Variants in PLEKHH3 observed in about 807,000 individuals in gnomAD.
The protein encoded by PLEKHH3 is pleckstrin homology domain-containing family H member 3.
In PLEKHH3, 57 loss-of-function variants were observed where a neutral mutation model predicts 77.8. That is an observed-to-expected ratio of 0.73 (90% CI 0.59 to 0.91). The LOEUF (loss-of-function observed/expected upper bound fraction) is 0.91, where lower values mean the gene tolerates loss of function less well. Ranked by LOEUF, PLEKHH3 falls within the 40% of genes least tolerant of loss-of-function variation. PLEKHH3 has a pLI of 0.00. For synonymous variants in PLEKHH3, 467 were observed against 504.8 expected (o/e 0.93, Z 1.00); for missense variants, 1,082 against 1,091.2 (o/e 0.99, Z 0.12).
intron 12 of PLEKHH3, 150 bp from the exon 13 acceptor site, chr17:42,668,453 C>T: frequency 1.7e-6 from 1 of 595,894 alleles, no homozygotes; most frequent in Non-Finnish European, 2.6e-6. Flanking sequence ...ACCACTCTCT[C>T]CTTCATTTCT....
At chr17:42,669,859 C>G in intron 11 of PLEKHH3, 59 bp downstream of exon 11, 1 of 1,596,268 alleles carries the variant, frequency 6.3e-7, no homozygotes, top group Non-Finnish European at 8.5e-7. Flanking sequence ...ACCTGTGGCT[C>G]TGGGGCAAAG....
chr17:42,670,720 C>G lies in PLEKHH3; in HGVS notation c.1422-15G>C. The G allele has an allele frequency of 6.2e-7, 1 of 1,606,372 alleles. No homozygotes were observed. The highest frequency in any genetic ancestry group is 8.5e-7 in the Non-Finnish European group (1 of 1,175,432). On this transcript the variant is annotated splice_polypyrimidine_tract_variant and intron_variant, in intron 9 of 12. Transcript: ENST00000591022. Reference sequence around the variant, plus strand: ...CCGCGGCCAAGCTGCAGAAGAGGAGCGGACGAAGCGCTAGGGAGAAGCCGG... The same window carrying G: ...CCGCGGCCAAGCTGCAGAAGAGGAGGGGACGAAGCGCTAGGGAGAAGCCGG...
chr17:42,669,795 G>C (rs1228955373), intron 11 of PLEKHH3, 123 bp downstream of exon 11: 5 of 1,535,550 alleles, frequency 3.3e-6, no homozygotes, highest in Non-Finnish European at 4.4e-6. Flanking sequence ...TGACTCCTGG[G>C]GTTTGAGATG....
In PLEKHH3 at chr17:42,676,770, C is replaced by CGGAGGGG; in HGVS notation, c.-214_-208dup. On this transcript the variant is annotated 5_prime_UTR_variant, in exon 1 of 13. Transcript: ENST00000591022. The surrounding 1 kb of genome is among the most constrained non-coding windows in gnomAD (Gnocchi z 6.6). ...GAGGGGGGCTCAGTGTCTGGGCCCC[C>CGGAGGGG]GGAGGGGGGAGGGGGAAAAGCGTCC... is the stretch of plus-strand genomic sequence containing the variant. 1.7e-6 allele frequency: 1 copy of CGGAGGGG among 599,834 alleles called. No homozygotes were observed. Among genetic ancestry groups the CGGAGGGG allele is most frequent in the South Asian group, 2.0e-5 (1 of 49,628 alleles). 37.2% of individuals were successfully genotyped at this position (599,834 alleles called of 1,614,324 possible).
rs1360359582 is a variant in PLEKHH3, at chr17:42,667,999, A to AT, written c.*127dup. The AT allele has an allele frequency of 5.8e-6, 4 of 686,142 alleles. No homozygotes were observed. The allele number at this position is 686,142 out of a possible 1,614,324, so 42.5% of individuals were successfully genotyped here. ...ACAAACTAGAAAATTACCCACACCC[A>AT]TTGTAGCCCTTGGGTGTGGGATGTG... On this transcript the variant is annotated 3_prime_UTR_variant, in exon 13 of 13. Coordinates refer to ENST00000591022, the MANE Select transcript of PLEKHH3 (RefSeq NM_024927.5).
In PLEKHH3 at chr17:42,669,956, A is replaced by G. The variant is rs1450265635; in HGVS notation, c.1975T>C (p.Phe659Leu). 1.9e-6 allele frequency: 3 copies of G among 1,612,814 alleles called. No homozygotes were observed. The highest frequency in any genetic ancestry group is 2.5e-6 in the Non-Finnish European group (3 of 1,179,740). ...AGAACGTCATACCGAGCAGCGCCGAACCCCGGACACTGCGCCGCCAGGGCC... is the reference window on the plus strand; with the variant it reads ...AGAACGTCATACCGAGCAGCGCCGAGCCCCGGACACTGCGCCGCCAGGGCC... ...YLALAAQCPG[F>L]GAARYDVLEL... is the part of the protein sequence containing the mutation. Residue 659 changes from phenylalanine (F) to leucine (L), a missense_variant, in exon 11 of 13, where the codon TTC (phenylalanine) becomes CTC (leucine). Coordinates refer to ENST00000591022, the MANE Select transcript of PLEKHH3 (RefSeq NM_024927.5).
In PLEKHH3 at chr17:42,668,012, G is replaced by T; in HGVS notation, c.*115C>A. On this transcript the variant is annotated 3_prime_UTR_variant, in exon 13 of 13. Transcript: ENST00000591022. Reference sequence around the variant, plus strand: ...TTACCCACACCCATTGTAGCCCTTGGGTGTGGGATGTGCCCTGTCCCTGCA... The same window carrying T: ...TTACCCACACCCATTGTAGCCCTTGTGTGTGGGATGTGCCCTGTCCCTGCA... The T allele has an allele frequency of 1.2e-6, 1 of 842,854 alleles. No homozygotes were observed. The highest frequency in any genetic ancestry group is 1.6e-6 in the Non-Finnish European group (1 of 630,780). 52.2% of individuals were successfully genotyped at this position (842,854 alleles called of 1,614,324 possible).
At position 42,671,030 on chromosome 17, in the gene PLEKHH3, C is replaced by G. The variant is rs746359041; in HGVS notation, c.1385G>C (p.Gly462Ala). The G allele has an allele frequency of 6.2e-7, 1 of 1,610,982 alleles. No individual in the cohort carries two copies. The highest frequency in any genetic ancestry group is 1.1e-5 in the South Asian group (1 of 90,892). Residue 462 changes from glycine to alanine, a missense_variant, in exon 9 of 13, where the codon GGG becomes GCG. Coordinates refer to ENST00000591022, the MANE Select transcript of PLEKHH3 (RefSeq NM_024927.5). The surrounding 1 kb of genome is among the most constrained non-coding windows in gnomAD (Gnocchi z 4.7). Reference protein sequence around the residue: ...RGAQERALAGGTLVADVLTRF... With the variant: ...RGAQERALAGATLVADVLTRF... ...GGTGAGCACGTCGGCCACGAGGGTCCCCCCAGCCAGGGCTCGCTCCTGGGC... is the reference window on the plus strand; with the variant it reads ...GGTGAGCACGTCGGCCACGAGGGTCGCCCCAGCCAGGGCTCGCTCCTGGGC...
chr17:42,672,474 A>T, intron 6 of PLEKHH3, 82 bp from the exon 7 acceptor site: 11 of 1,180,658 alleles, frequency 9.3e-6, no homozygotes, highest in East Asian at 2.8e-5. Context: ...AACCAGGGGA[A>T]GGTCAGAGGG....
rs750263018 is a variant in PLEKHH3 at position 42,670,997 on chromosome 17, T to C, written c.1418A>G (p.Glu473Gly). 3 of 1,609,396 alleles carry C rather than the reference T, an allele frequency of 1.9e-6. No individual in the cohort carries two copies. The South Asian group carries it at 3.3e-5, about 18-fold the overall frequency. Reference protein sequence around the residue: ...TLVADVLTRFENLAAEEAGLE... With the variant: ...TLVADVLTRFGNLAAEEAGLE... Reference sequence around the variant, plus strand: ...AGGGCTGGGGCTGGACATTTACTTCTCAAACCTGGTGAGCACGTCGGCCAC... The same window carrying C: ...AGGGCTGGGGCTGGACATTTACTTCCCAAACCTGGTGAGCACGTCGGCCAC... Residue 473 changes from glutamate (E) to glycine (G), a missense_variant, in exon 9 of 13, where the codon GAG becomes GGG. By Grantham distance (98) the Glu-to-Gly change is moderately conservative. This residue lies in a region of PLEKHH3 where 733 missense variants were observed against 750.0 expected (regional missense o/e 0.98). Coordinates refer to ENST00000591022, the MANE Select transcript of PLEKHH3 (RefSeq NM_024927.5).
intron 6 of PLEKHH3, among the ~76,000 whole-genome samples, chr17:42,672,721 C>G (rs1445762283): frequency 6.6e-6 from 1 of 152,080 alleles, no homozygotes; most frequent in African/African-American, 2.4e-5. Context: ...AGAAAACAGG[C>G]TGGACTAGGA....
chr17:42,670,660 C>T lies in PLEKHH3; in HGVS notation c.1467G>A (p.Gly489=), dbSNP rs2277618. Residue 489 remains glycine (G), a synonymous_variant, in exon 10 of 13, where the codon GGG becomes GGA. Coordinates refer to ENST00000591022, the MANE Select transcript of PLEKHH3 (RefSeq NM_024927.5). ...CGTGAAGACGCAGACATAGTCTCCA[C>T]CCGGAGTCGGGCGAGTCCTCCAACC... ...EAGLEDSPDS[G]WRLCLRLHGP... 235,468 of 1,612,930 alleles carry T rather than the reference C, an allele frequency of 0.15. 22,841 individuals are homozygous for T. Among genetic ancestry groups the T allele is most frequent in the East Asian group, 0.54 (24,163 of 44,836 alleles).
rs747472120 is a variant in PLEKHH3 at position 42,673,654 on chromosome 17, C to T, written c.479G>A (p.Arg160His). The part of the protein sequence containing the change: ...LCSVTGPERR[R>H]KETGLWSVTV... The stretch of plus-strand genomic sequence containing the variant: ...CCAGGAGGTCTCACCTGTCTCCTTA[C>T]GCCTGCGCTCTGGGCCGGTCACCGA... Residue 160 changes from arginine to histidine, a missense_variant, in exon 4 of 13, where the codon CGT becomes CAT. Arg to His is a conservative substitution (Grantham distance 29). This residue lies in a region of PLEKHH3 where 344 missense variants were observed against 320.8 expected (regional missense o/e 1.07). Coordinates refer to ENST00000591022, the MANE Select transcript of PLEKHH3 (RefSeq NM_024927.5). 13 of 1,602,682 alleles carry T rather than the reference C, an allele frequency of 8.1e-6. No homozygotes were observed. Among genetic ancestry groups the T allele is most frequent in the Admixed American group, 1.7e-5 (1 of 59,976 alleles).
At chr17:42,674,047 C>A (rs770811765) in intron 2 of PLEKHH3, 34 bp from the exon 3 acceptor site, 2 of 1,606,138 alleles carry the variant, frequency 1.2e-6, no homozygotes, top group Non-Finnish European at 1.7e-6. Flanking sequence ...TGGGTCTCCA[C>A]TCTGCCTCTA....
rs763493624 is a variant in PLEKHH3 at position 42,672,184 on chromosome 17, G to A, written c.978C>T (p.Asp326=). The change falls in exon 7 of 13, where the codon GAC becomes GAT. Residue 326 remains aspartate, a synonymous_variant. Coordinates refer to ENST00000591022, the MANE Select transcript of PLEKHH3 (RefSeq NM_024927.5). ...AGPPGLPATQ[D]PAALRYWQLL... ...GTTGCCAGTACCGCAGGGCCGCAGG[G>A]TCTTGGGTAGCCGGGAGCCCGGGGG... is the stretch of plus-strand genomic sequence containing the variant. 4 of 1,551,432 alleles carry A rather than the reference G, an allele frequency of 2.6e-6. No homozygotes were observed. The South Asian group carries it at 3.6e-5, about 14-fold the overall frequency.
chr17:42,672,018 G>T (rs2052712632), intron 7 of PLEKHH3, 68 bp downstream of exon 7: 4 of 1,315,262 alleles, frequency 3.0e-6, no homozygotes, highest in South Asian at 1.6e-5. Flanking sequence ...TTTTGCAAAA[G>T]ACCTTTCATT....
chr17:42,673,771 C>A lies in PLEKHH3; in HGVS notation c.362G>T (p.Trp121Leu), dbSNP rs1227501814. ...CAGGGAGTCCCGCGTGAGCACAAAC[C>A]AGGCTCGGCGCGGGGGCAGCCAGGG... is the stretch of plus-strand genomic sequence containing the variant. ...ARPWLPPRRA[W>L]FVLTRDSLDQ... The change falls in exon 4 of 13, where the codon TGG (tryptophan) becomes TTG (leucine). Residue 121 changes from tryptophan to leucine, a missense_variant. Trp to Leu is a moderately conservative substitution (Grantham distance 61). Around this residue, in one of 3 missense-constraint regions of PLEKHH3, gnomAD observed 344 missense variants for 320.8 expected, o/e 1.07. Coordinates refer to ENST00000591022, the MANE Select transcript of PLEKHH3 (RefSeq NM_024927.5). 6.3e-7 allele frequency: 1 copy of A among 1,596,020 alleles called. No individual in the cohort carries two copies.
rs1249357678 is a variant in PLEKHH3 at position 42,676,719 on chromosome 17, G to T, written c.-156C>A. On this transcript the variant is annotated 5_prime_UTR_variant, in exon 1 of 13. Transcript: ENST00000591022. This position sits in a 1 kb window ranked among gnomAD's most constrained non-coding sequence, Gnocchi z 6.6. ...GGAGGAGGCAGTGTCCTGGGCTGGG[G>T]TGCAAGGGGACGCTAGCCAGACGCT... The T allele has an allele frequency of 4.1e-6, 3 of 733,294 alleles. No individual in the cohort carries two copies. Among genetic ancestry groups the T allele is most frequent in the African/African-American group, 3.6e-5 (2 of 55,824 alleles). 45.4% of individuals were successfully genotyped at this position (733,294 alleles called of 1,614,324 possible).
At position 42,670,681 on chromosome 17, in the gene PLEKHH3, C is replaced by T. The variant is rs1036106533; in HGVS notation, c.1446G>A (p.Leu482=). ...TCCACCCGGAGTCGGGCGAGTCCTC[C>T]AACCCAGCTTCCTCCGCGGCCAAGC... ...FENLAAEEAG[L]EDSPDSGWRL... Residue 482 remains leucine, a synonymous_variant, in exon 10 of 13, where the codon TTG becomes TTA. Transcript: ENST00000591022. 1.9e-6 allele frequency: 3 copies of T among 1,612,836 alleles called. No individual in the cohort carries two copies. The highest frequency in any genetic ancestry group is 2.7e-5 in the African/African-American group (2 of 75,052).
Sources: allele counts gnomAD v4.1 joint callset (sites outside exome capture counted in the v4.1 genomes callset), GRCh38; gene constraint gnomAD v4.1.1; regional missense constraint gnomAD v4.1.1; non-coding constraint Gnocchi (gnomAD v3.1); transcripts MANE v1.5; gene names NCBI Gene and HGNC (gene_info 2026-07-23, HGNC 2026-07-21).